The following LAMA2 variants were observed in gnomAD, a reference collection of about 807,000 sequenced individuals.
The protein encoded by LAMA2 is laminin subunit alpha 2.
A neutral mutation model predicts 364.8 loss-of-function variants in LAMA2; 269 were observed. The observed-to-expected ratio is 0.74, with a 90% CI of 0.67 to 0.82. LAMA2 has a LOEUF of 0.82. Among genes scored for constraint, LAMA2 ranks in the 40% least tolerant of loss-of-function variants. The probability of loss-of-function intolerance (pLI) is 0.00; values close to 1 mark genes in which losing one functional copy is unlikely to be tolerated. For missense variants in LAMA2, 3,807 were observed against 3,873.2 expected (o/e 0.98, Z 0.45); for synonymous variants, 1,379 against 1,370.6 (o/e 1.01, Z -0.14).
chr6:129,177,196 A>C (rs574102080), intron 9 of LAMA2, among the ~76,000 whole-genome samples: 6 of 152,324 alleles, frequency 3.9e-5, no homozygotes, highest in African/African-American at 1.4e-4. Context: ...AATTCCAATG[A>C]ACACCTTTAT....
chr6:129,233,385 A>G (rs1385809879), intron 12 of LAMA2, among the ~76,000 whole-genome samples: 1 of 152,212 alleles, frequency 6.6e-6, no homozygotes, highest in Non-Finnish European at 1.5e-5. Flanking sequence ...CATAACTACT[A>G]AGAGTCTACT....
chr6:129,157,405 C>T, intron 8 of LAMA2: 5 of 1,227,548 alleles, frequency 4.1e-6, no homozygotes, highest in Admixed American at 3.5e-5. Context: ...CCTGTGAACA[C>T]GTAGTGAAGA....
Position 129,270,572 on chromosome 6 carries a change from T to C in LAMA2, c.2323-52T>C, listed in dbSNP as rs1583385031. On this transcript the variant is annotated intron_variant, in intron 16 of 64. Coordinates refer to ENST00000421865, the MANE Select transcript of LAMA2 (RefSeq NM_000426.4). ...CTTCGTAGACCTATTTTTGGCAACA[T>C]GTTGATCCCTGACACCAAAATAATA... 7 of 1,605,884 alleles carry C rather than the reference T, an allele frequency of 4.4e-6. No homozygotes were observed. The East Asian group carries it at 1.3e-4, about 31-fold the overall frequency.
chr6:129,058,536 C>T (rs976353297), intron 2 of LAMA2, among the ~76,000 whole-genome samples: 1 of 152,194 alleles, frequency 6.6e-6, no homozygotes, highest in African/African-American at 2.4e-5. Flanking sequence ...CCATCATCTC[C>T]TTCCTTGCCA....
intron 58 of LAMA2, among the ~76,000 whole-genome samples, chr6:129,495,995 C>T (rs1428527510): frequency 6.6e-6 from 1 of 152,108 alleles, no homozygotes; most frequent in Non-Finnish European, 1.5e-5. Context: ...AATCACAGAA[C>T]ATTAGAGCTA....
chr6:128,908,565 G>A (rs1225014602), intron 1 of LAMA2, among the ~76,000 whole-genome samples: 2 of 137,478 alleles, frequency 1.5e-5, no homozygotes, highest in Non-Finnish European at 3.1e-5. Flanking sequence ...TATCAATTTT[G>A]TTGATCCTTT....
At chr6:129,468,573 A>G (rs1258732724) in intron 51 of LAMA2, among the ~76,000 whole-genome samples, 2 of 151,956 alleles carry the variant, frequency 1.3e-5, no homozygotes, top group Non-Finnish European at 2.9e-5. Flanking sequence ...GAAAAATGCA[A>G]ACTTCTTACA....
At chr6:129,308,642 A>G (rs944501278) in intron 22 of LAMA2, among the ~76,000 whole-genome samples, 3 of 152,228 alleles carry the variant, frequency 2.0e-5, no homozygotes, top group African/African-American at 4.8e-5. Context: ...AATTACAAAA[A>G]AAAACAAAAC....
chr6:129,233,875 T>A (rs544353241), intron 12 of LAMA2, among the ~76,000 whole-genome samples: 1 of 152,314 alleles, frequency 6.6e-6, no homozygotes, highest in African/African-American at 2.4e-5. Flanking sequence ...CTTGAAAAAC[T>A]GGTCTGAAAC....
At chr6:129,150,287 C>T (rs56669513) in intron 7 of LAMA2, among the ~76,000 whole-genome samples, 1,811 of 152,262 alleles carry the variant, frequency 0.012, 78 homozygotes, top group Admixed American at 0.081. Flanking sequence ...ACAGCTTCTC[C>T]ATAGAGAACA....
At chr6:129,505,841 T>G (rs1786024765) in intron 61 of LAMA2, among the ~76,000 whole-genome samples, 1 of 151,760 alleles carries the variant, frequency 6.6e-6, no homozygotes, top group East Asian at 2.0e-4. Context: ...TGACAGAAGG[T>G]TTTTTAGATA....
intron 1 of LAMA2, among the ~76,000 whole-genome samples, chr6:128,905,782 C>G (rs1048010898): frequency 3.3e-5 from 5 of 151,656 alleles, no homozygotes; most frequent in African/African-American, 1.2e-4. Context: ...TATCCCTCCC[C>G]ACTCCCCCCA....
chr6:129,462,532 A>G (rs1783309957), intron 49 of LAMA2, among the ~76,000 whole-genome samples: 1 of 151,932 alleles, frequency 6.6e-6, no homozygotes, highest in Non-Finnish European at 1.5e-5. Flanking sequence ...TTTTCCTTTT[A>G]AGGTGAAGTG....
intron 1 of LAMA2, among the ~76,000 whole-genome samples, chr6:128,952,018 TTAGGCAGGCA>T (rs971614187): frequency 5.9e-5 from 9 of 151,814 alleles, no homozygotes; most frequent in Non-Finnish European, 1.0e-4. Flanking sequence ...TGAAAAATAA[TTAGGCAGGCA>T]TAGTGGCACA....
intron 6 of LAMA2, 133 bp downstream of exon 6, chr6:129,147,181 G>A: frequency 2.8e-6 from 2 of 720,228 alleles, no homozygotes; most frequent in South Asian, 2.9e-5. Flanking sequence ...AGAAATCCAT[G>A]CCAGGGTGAA....
At chr6:129,433,930 C>T (rs539243342) in intron 41 of LAMA2, among the ~76,000 whole-genome samples, 1 of 152,226 alleles carries the variant, frequency 6.6e-6, no homozygotes, top group South Asian at 2.1e-4. Context: ...TCATATCAGT[C>T]ACATGAAGGA....
intron 4 of LAMA2, among the ~76,000 whole-genome samples, chr6:129,099,927 C>G (rs1775423975): frequency 6.6e-6 from 1 of 152,138 alleles, no homozygotes; most frequent in Non-Finnish European, 1.5e-5. Context: ...CCAGTTTGGC[C>G]TGAGGATATG....
chr6:129,073,915 T>C (rs1345607836), intron 3 of LAMA2, among the ~76,000 whole-genome samples: 2 of 152,242 alleles, frequency 1.3e-5, no homozygotes, highest in African/African-American at 2.4e-5. Context: ...TGTATGTGTC[T>C]GAAAATGTAT....
chr6:129,045,563 C>T (rs1421509650), intron 1 of LAMA2, among the ~76,000 whole-genome samples: 1 of 152,086 alleles, frequency 6.6e-6, no homozygotes, highest in Non-Finnish European at 1.5e-5. Flanking sequence ...AAAATTTATA[C>T]AATGGGTTAT....
Sources: gnomAD v4.1 joint callset for allele counts (sites outside exome capture counted in the v4.1 genomes callset) on GRCh38, gnomAD v4.1.1 for gene constraint, MANE v1.5 for transcripts, NCBI Gene and HGNC (gene_info 2026-07-23, HGNC 2026-07-21) for gene names.